MAD1L1: variants seen among roughly 807,000 people sequenced by gnomAD.
MAD1L1 encodes mitotic arrest deficient 1 like 1.
MAD1L1 carries 95 observed loss-of-function variants against 96.9 expected under a neutral mutation model. That is an observed-to-expected ratio of 0.98 (90% CI 0.83 to 1.16). The LOEUF is 1.16. Ranked by LOEUF, MAD1L1 falls within the 50% of genes most tolerant of loss-of-function variation. The probability of loss-of-function intolerance (pLI) is 0.00; values close to 1 mark genes in which losing one functional copy is unlikely to be tolerated. For synonymous variants in MAD1L1, 473 were observed against 396.6 expected, an observed-to-expected ratio of 1.19 and a Z score of -2.29; for missense variants, 1,007 against 954.4, an observed-to-expected ratio of 1.06 and a Z score of -0.73.
intron 18 of MAD1L1, among the ~76,000 whole-genome samples, chr7:1,826,054 C>A (rs1782375843): frequency 1.3e-5 from 2 of 151,866 alleles, no homozygotes; most frequent in Non-Finnish European, 2.9e-5. Flanking sequence ...AACGTCAAGA[C>A]CGTGCTGAGC....
chr7:2,133,875 TGACCTGTTCCACA>T (rs1392264354), intron 11 of MAD1L1, among the ~76,000 whole-genome samples: 1 of 152,232 alleles, frequency 6.6e-6, no homozygotes, highest in Non-Finnish European at 1.5e-5. Flanking sequence ...CGTGGCTCTC[TGACCTGTTCCACA>T]GACCTGTTCG....
intron 11 of MAD1L1, among the ~76,000 whole-genome samples, chr7:2,106,560 G>A (rs1787112221): frequency 1.3e-5 from 2 of 152,134 alleles, no homozygotes; most frequent in South Asian, 4.1e-4. Flanking sequence ...AGGGGTGGGG[G>A]GAGAAGGCAG....
intron 14 of MAD1L1, among the ~76,000 whole-genome samples, chr7:1,996,752 A>C (rs961445473): frequency 6.6e-6 from 1 of 152,232 alleles, no homozygotes; most frequent in Admixed American, 6.5e-5. Context: ...GGAAATCAGC[A>C]ATCAAGGAAG....
At chr7:2,095,266 G>C (rs1398051771) in intron 11 of MAD1L1, among the ~76,000 whole-genome samples, 3 of 152,068 alleles carry the variant, frequency 2.0e-5, no homozygotes, top group Non-Finnish European at 4.4e-5. Context: ...GGATGGTCTC[G>C]ATCTCTTGAC....
At chr7:2,100,973 A>G (rs1786753256) in intron 11 of MAD1L1, among the ~76,000 whole-genome samples, 1 of 152,224 alleles carries the variant, frequency 6.6e-6, no homozygotes, top group African/African-American at 2.4e-5. Context: ...GTAACAGTGC[A>G]GTTATTAACG....
intron 11 of MAD1L1, among the ~76,000 whole-genome samples, chr7:2,148,144 A>C (rs1789398967): frequency 6.6e-6 from 1 of 152,240 alleles, no homozygotes. Context: ...GATGCTTCTA[A>C]AAGCCAATTT....
chr7:2,055,136 A>G (rs1784335823), intron 12 of MAD1L1, among the ~76,000 whole-genome samples: 1 of 152,202 alleles, frequency 6.6e-6, no homozygotes, highest in East Asian at 1.9e-4. Flanking sequence ...CAGGCAGCAC[A>G]GCGAGGCGGT....
rs531530335 is a variant in MAD1L1 at position 2,080,546 on chromosome 7, G to A, written c.1074-11208C>T. On this transcript the variant is annotated intron_variant, in intron 11 of 18. Coordinates refer to ENST00000265854, the MANE Select transcript of MAD1L1 (RefSeq NM_001013836.2). ...ACCCACCCACCCTCATGTGCAGAGC[G>A]CCTCCCCCACGATCACAGGCCTCTG... 1.7e-4 allele frequency among the ~76,000 whole-genome samples: 15 copies of A among 90,530 alleles called. No individual in the cohort carries two copies. In the South Asian group the frequency reaches 2.7e-3, roughly 17 times the overall value. 59.4% of individuals were successfully genotyped at this position (90,530 alleles called of 152,430 possible).
chr7:1,987,565 C>T (rs934152923), intron 14 of MAD1L1, among the ~76,000 whole-genome samples: 4 of 144,240 alleles, frequency 2.8e-5, no homozygotes, highest in African/African-American at 7.9e-5. Context: ...GGAAAGCCAT[C>T]GGGGAGGGGG....
intron 10 of MAD1L1, among the ~76,000 whole-genome samples, chr7:2,206,077 A>C (rs531464794): frequency 6.6e-6 from 1 of 152,234 alleles, no homozygotes; most frequent in Non-Finnish European, 1.5e-5. Context: ...GGTTGCAGTG[A>C]GCCAAGATCA....
chr7:2,111,830 A>C (rs1787399064), intron 11 of MAD1L1, among the ~76,000 whole-genome samples: 1 of 152,136 alleles, frequency 6.6e-6, no homozygotes, highest in African/African-American at 2.4e-5. Context: ...CACACACCGG[A>C]TGCTTCCCGC....
intron 11 of MAD1L1, among the ~76,000 whole-genome samples, chr7:2,102,345 GCCACCA>G (rs1786845907): frequency 7.5e-6 from 1 of 133,564 alleles, no homozygotes; most frequent in Admixed American, 7.3e-5. Context: ...CATCACCACC[GCCACCA>G]TCACCACCGT....
chr7:2,014,086 A>T (rs909387581), intron 13 of MAD1L1, among the ~76,000 whole-genome samples: 3 of 152,180 alleles, frequency 2.0e-5, no homozygotes, highest in African/African-American at 7.2e-5. Flanking sequence ...GTCAGGCCCC[A>T]GCAGAGCCTC....
At chr7:1,997,862 G>A (rs1052551777) in intron 14 of MAD1L1, among the ~76,000 whole-genome samples, 3 of 152,318 alleles carry the variant, frequency 2.0e-5, no homozygotes, top group Admixed American at 6.5e-5. Context: ...CACAGCCAGC[G>A]AGACCCCTCC....
intron 10 of MAD1L1, among the ~76,000 whole-genome samples, chr7:2,181,792 G>A (rs1261158382): frequency 2.7e-5 from 4 of 150,852 alleles, no homozygotes; most frequent in Admixed American, 1.3e-4. Context: ...TCAACCGAGT[G>A]GATAAAGAAA....
chr7:1,838,886 T>C (rs941600071), intron 18 of MAD1L1: 1 of 470,832 alleles, frequency 2.1e-6, no homozygotes, highest in Non-Finnish European at 4.4e-6. Flanking sequence ...TACCTAAGGT[T>C]CCAGGCACAC....
At chr7:1,907,280 G>A (rs991050224) in intron 17 of MAD1L1, among the ~76,000 whole-genome samples, 1 of 152,182 alleles carries the variant, frequency 6.6e-6, no homozygotes, top group African/African-American at 2.4e-5. Context: ...TCTGGGCCCT[G>A]CACAGCTGCC....
At chr7:2,035,276 G>C (rs1783414858) in intron 12 of MAD1L1, among the ~76,000 whole-genome samples, 1 of 139,192 alleles carries the variant, frequency 7.2e-6, no homozygotes, top group African/African-American at 3.1e-5. Context: ...GACAAGTCGG[G>C]ACAGAGCTGG....
intron 11 of MAD1L1, among the ~76,000 whole-genome samples, chr7:2,104,427 C>T (rs544290546): frequency 2.7e-4 from 41 of 152,360 alleles, no homozygotes; most frequent in Admixed American, 1.4e-3. Context: ...CGGCCTGTTG[C>T]GTCAGATCCC....
Sources: gnomAD v4.1 joint callset for allele counts (sites outside exome capture counted in the v4.1 genomes callset) on GRCh38, gnomAD v4.1.1 for gene constraint, MANE v1.5 for transcripts, NCBI Gene and HGNC (gene_info 2026-07-23, HGNC 2026-07-21) for gene names.